ESRRG: variants seen among roughly 807,000 people sequenced by gnomAD.
The protein encoded by ESRRG is estrogen-related receptor gamma.
Under a neutral mutation model 44.0 loss-of-function variants are expected in ESRRG, and 13 were observed. That is an observed-to-expected ratio of 0.30 (90% CI 0.19 to 0.47). The LOEUF (loss-of-function observed/expected upper bound fraction) is 0.47. Ranked by LOEUF, ESRRG falls within the 20% of genes least tolerant of loss-of-function variation. ESRRG has a pLI of 1.00. For synonymous variants in ESRRG, 215 were observed against 214.6 expected (o/e 1.00, Z -0.02); for missense variants, 395 against 580.6 (o/e 0.68, Z 3.29).
At chr1:216,869,810 T>C (rs530848392) in intron 2 of ESRRG, among the ~76,000 whole-genome samples, 60 of 151,994 alleles carry the variant, frequency 3.9e-4, no homozygotes, top group Non-Finnish European at 7.7e-4. Context: ...TTGGAGCTAT[T>C]ATAATTTTTT....
At chr1:216,871,137 C>T (rs375551190) in intron 2 of ESRRG, among the ~76,000 whole-genome samples, 1 of 151,942 alleles carries the variant, frequency 6.6e-6, no homozygotes. Context: ...TAAGCTTTCC[C>T]TGTAAGCACT....
intron 6 of ESRRG, among the ~76,000 whole-genome samples, chr1:216,514,085 A>C (rs1359785903): frequency 6.6e-6 from 1 of 152,156 alleles, no homozygotes; most frequent in Non-Finnish European, 1.5e-5. Context: ...TATTTGCAGC[A>C]AATATTTCTG....
chr1:216,716,291 G>C (rs971075440), intron 1 of ESRRG, among the ~76,000 whole-genome samples: 2 of 151,932 alleles, frequency 1.3e-5, no homozygotes, highest in African/African-American at 4.8e-5. Context: ...TGCTATCTAT[G>C]CTATCTGTAT....
At chr1:216,764,941 G>A (rs1414706593) in intron 2 of ESRRG, among the ~76,000 whole-genome samples, 3 of 152,070 alleles carry the variant, frequency 2.0e-5, no homozygotes, top group African/African-American at 7.2e-5. Context: ...GGAGAGTTGT[G>A]TGGAACAGCC....
At chr1:216,685,883 G>A (rs2077850740) in intron 1 of ESRRG, among the ~76,000 whole-genome samples, 1 of 152,178 alleles carries the variant, frequency 6.6e-6, no homozygotes, top group South Asian at 2.1e-4. Context: ...CAGTTCACCA[G>A]GAGTGGAACT....
chr1:217,053,133 T>TAAAAAAAAAAAAAAAAAAAAAA (rs71303007), intron 1 of ESRRG, among the ~76,000 whole-genome samples: 34 of 119,026 alleles, frequency 2.9e-4, no homozygotes, highest in East Asian at 1.0e-3. Flanking sequence ...AATCCCATCT[T>TAAAAAAAAAAAAAAAAAAAAAA]AAAAAAAAAA....
intron 1 of ESRRG, among the ~76,000 whole-genome samples, chr1:217,085,829 C>T (rs2092056865): frequency 6.6e-6 from 1 of 152,056 alleles, no homozygotes; most frequent in African/African-American, 2.4e-5. Context: ...GCACCACACG[C>T]TCATCCACTA....
At chr1:217,039,382 AAG>A (rs1452923390) in intron 1 of ESRRG, among the ~76,000 whole-genome samples, 1 of 152,194 alleles carries the variant, frequency 6.6e-6, no homozygotes, top group African/African-American at 2.4e-5. Context: ...TTACAAAACA[AAG>A]AGGTTTATTA....
chr1:216,830,839 A>G (rs2095476026), intron 2 of ESRRG, among the ~76,000 whole-genome samples: 1 of 152,152 alleles, frequency 6.6e-6, no homozygotes, highest in Admixed American at 6.6e-5. Flanking sequence ...GGAAAAAAAA[A>G]GGGATGCTTT....
At chr1:217,021,373 T>A (rs2080297686) in intron 1 of ESRRG, among the ~76,000 whole-genome samples, 1 of 152,122 alleles carries the variant, frequency 6.6e-6, no homozygotes, top group Admixed American at 6.5e-5. Flanking sequence ...CCAATCTCAT[T>A]AACACTCTGC....
intron 2 of ESRRG, among the ~76,000 whole-genome samples, chr1:216,768,929 G>T (rs184975779): frequency 2.0e-5 from 3 of 152,074 alleles, no homozygotes. Flanking sequence ...ATGGTTTAGA[G>T]TCTATGCTGC....
intron 2 of ESRRG, among the ~76,000 whole-genome samples, chr1:216,652,800 G>A (rs1195347902): frequency 1.3e-5 from 2 of 152,002 alleles, no homozygotes; most frequent in African/African-American, 4.8e-5. Context: ...AACCATCTCT[G>A]AATATTTATT....
chr1:217,051,309 T>C (rs2085996191), intron 1 of ESRRG, among the ~76,000 whole-genome samples: 1 of 151,496 alleles, frequency 6.6e-6, no homozygotes, highest in South Asian at 2.1e-4. Flanking sequence ...CAGGCAACCT[T>C]AGGCTGATTC....
chr1:216,976,814 C>T (rs960851884), intron 1 of ESRRG, among the ~76,000 whole-genome samples: 1 of 152,032 alleles, frequency 6.6e-6, no homozygotes, highest in Admixed American at 6.6e-5. Context: ...TTACGGTTTT[C>T]ATAAAGAAGG....
At chr1:216,768,480 A>ATCTATCTATCTATCTATTTATCTG (rs2093213831) in intron 2 of ESRRG, among the ~76,000 whole-genome samples, 1 of 150,170 alleles carries the variant, frequency 6.7e-6, no homozygotes, top group African/African-American at 2.5e-5. Context: ...CTATCTATCT[A>ATCTATCTATCTATCTATTTATCTG]TCTATCTATC....
chr1:216,732,123 TA>T (rs59259420), intron 2 of ESRRG, among the ~76,000 whole-genome samples: 26 of 104,856 alleles, frequency 2.5e-4, no homozygotes, highest in Admixed American at 7.3e-4. Flanking sequence ...AAAAAGAAAA[TA>T]AAAAAAAGAA....
At chr1:217,002,790 G>A (rs2077213549) in intron 1 of ESRRG, among the ~76,000 whole-genome samples, 2 of 152,158 alleles carry the variant, frequency 1.3e-5, no homozygotes, top group African/African-American at 4.8e-5. Flanking sequence ...CACCTTGGAA[G>A]TGGAACCTCC....
chr1:216,703,659 ATG>A (rs67638063), intron 1 of ESRRG, among the ~76,000 whole-genome samples: 21,296 of 148,706 alleles, frequency 0.14, 1,602 homozygotes, highest in East Asian at 0.28. Flanking sequence ...AGCTGGATAG[ATG>A]TGTGTGTGTG....
chr1:216,963,409 A>G, intron 1 of ESRRG, among the ~76,000 whole-genome samples: 1 of 152,264 alleles, frequency 6.6e-6, no homozygotes. Context: ...CGGGATAAAA[A>G]TAATTGGGCT....
Sources: gnomAD v4.1 joint callset for allele counts (sites outside exome capture counted in the v4.1 genomes callset) on GRCh38, gnomAD v4.1.1 for gene constraint, MANE v1.5 for transcripts, NCBI Gene and HGNC (gene_info 2026-07-23, HGNC 2026-07-21) for gene names.